SLC9A9: variants seen among roughly 807,000 people sequenced by gnomAD.
SLC9A9 encodes the protein solute carrier family 9 member A9.
Under a neutral mutation model 77.8 loss-of-function variants are expected in SLC9A9, and 62 were observed. That is an observed-to-expected ratio of 0.80 (90% CI 0.65 to 0.98). The LOEUF (loss-of-function observed/expected upper bound fraction) is 0.98, where lower values mean the gene tolerates loss of function less well. Ranked by LOEUF, SLC9A9 falls within the 50% of genes least tolerant of loss-of-function variation. The pLI, the probability that SLC9A9 is intolerant of heterozygous loss-of-function variation, is 0.00. For synonymous variants in SLC9A9, 320 were observed against 283.5 expected, an observed-to-expected ratio of 1.13 and a Z score of -1.29; for missense variants, 775 against 774.9, an observed-to-expected ratio of 1.00 and a Z score of 0.00.
At chr3:143,413,862 A>C (rs1022664872) in intron 12 of SLC9A9, among the ~76,000 whole-genome samples, 1 of 152,120 alleles carries the variant, frequency 6.6e-6, no homozygotes, top group Non-Finnish European at 1.5e-5. Flanking sequence ...GTATGTTAGC[A>C]TGCTCTAAGC....
chr3:143,396,684 G>C (rs543136145), intron 12 of SLC9A9, among the ~76,000 whole-genome samples: 1 of 152,092 alleles, frequency 6.6e-6, no homozygotes, highest in East Asian at 1.9e-4. Flanking sequence ...TGTGGTAGTG[G>C]TATTAATAGA....
At chr3:143,396,589 T>A (rs1278075118) in intron 12 of SLC9A9, among the ~76,000 whole-genome samples, 1 of 152,128 alleles carries the variant, frequency 6.6e-6, no homozygotes, top group Non-Finnish European at 1.5e-5. Context: ...CCTTAAAGTA[T>A]AATAATAAAA....
chr3:143,810,560 G>A (rs1396598591), intron 2 of SLC9A9, among the ~76,000 whole-genome samples: 1 of 152,190 alleles, frequency 6.6e-6, no homozygotes, highest in Non-Finnish European at 1.5e-5. Flanking sequence ...CAATCAATAA[G>A]ACAGGACTAT....
chr3:143,752,578 A>G (rs895281604), intron 4 of SLC9A9, among the ~76,000 whole-genome samples: 2 of 152,104 alleles, frequency 1.3e-5, no homozygotes, highest in African/African-American at 4.8e-5. Context: ...GAGTGTAGTT[A>G]TAATACTTGG....
intron 8 of SLC9A9, among the ~76,000 whole-genome samples, chr3:143,554,891 G>A (rs111676253): frequency 5.8e-4 from 88 of 152,228 alleles, no homozygotes; most frequent in African/African-American, 1.9e-3. Flanking sequence ...TGAGCAGACA[G>A]GTCTTCTCCA....
chr3:143,288,473 T>G (rs1186406755), intron 14 of SLC9A9, among the ~76,000 whole-genome samples: 1 of 152,164 alleles, frequency 6.6e-6, no homozygotes, highest in African/African-American at 2.4e-5. Flanking sequence ...TTTTCTTGCT[T>G]TGTATACAAA....
intron 9 of SLC9A9, among the ~76,000 whole-genome samples, chr3:143,514,757 C>T (rs888919460): frequency 2.6e-5 from 4 of 152,234 alleles, no homozygotes; most frequent in African/African-American, 9.6e-5. Flanking sequence ...TCTTGCTCTG[C>T]ATTAGGCTTT....
rs565435093 is a variant in SLC9A9, at chr3:143,328,360, C to T, written c.1604+35124G>A. The stretch of plus-strand genomic sequence containing the variant: ...TTTTAAAAATATGAAAGTTTATAAT[C>T]CCTTGGTTTTCAGATATTTGATGAT... On this transcript the variant is annotated intron_variant, in intron 14 of 15. Transcript: ENST00000316549. 2.6e-5 allele frequency among the ~76,000 whole-genome samples: 4 copies of T among 152,284 alleles called. 1 individual carries two copies. The highest frequency in any genetic ancestry group is 9.6e-5 in the African/African-American group (4 of 41,550).
intron 12 of SLC9A9, among the ~76,000 whole-genome samples, chr3:143,406,607 T>C (rs2033987065): frequency 6.6e-6 from 1 of 152,130 alleles, no homozygotes; most frequent in South Asian, 2.1e-4. Flanking sequence ...GTTTTTCCTG[T>C]ATCTTAAAAA....
At chr3:143,782,555 A>G (rs370579029) in intron 4 of SLC9A9, among the ~76,000 whole-genome samples, 18 of 152,298 alleles carry the variant, frequency 1.2e-4, no homozygotes, top group African/African-American at 3.9e-4. Context: ...AGGGCACAAT[A>G]AGAATTATCT....
intron 5 of SLC9A9, among the ~76,000 whole-genome samples, chr3:143,690,878 C>T (rs1017358981): frequency 3.9e-5 from 6 of 152,012 alleles, no homozygotes; most frequent in Admixed American, 1.3e-4. Flanking sequence ...AGGAGAGTAC[C>T]ACCAGCTAAT....
chr3:143,696,189 C>G (rs189874629), intron 4 of SLC9A9, among the ~76,000 whole-genome samples: 31 of 152,234 alleles, frequency 2.0e-4, no homozygotes, highest in African/African-American at 7.0e-4. Context: ...GTTGCCATTA[C>G]TTTTGGTGTT....
Position 143,578,707 on chromosome 3 carries a change from T to A in SLC9A9, c.772A>T (p.Ser258Cys). 1 of 1,614,042 alleles carries A rather than the reference T, an allele frequency of 6.2e-7. No individual in the cohort carries two copies. The highest frequency in any genetic ancestry group is 8.5e-7 in the Non-Finnish European group (1 of 1,179,916). ...AATGCATTTGGATTCTCCTTGGGAC[T>A]GTAAATGGATATAGAACTGAAAAGA... ...IVLTYSISIYSPKENPNAFDA... is the reference protein window; with the variant it reads ...IVLTYSISIYCPKENPNAFDA... Residue 258 changes from serine to cysteine, a missense_variant, in exon 7 of 16, where the codon AGT (serine) becomes TGT (cysteine). Transcript: ENST00000316549.
At chr3:143,802,763 C>T (rs762966646) in intron 2 of SLC9A9, among the ~76,000 whole-genome samples, 14 of 152,184 alleles carry the variant, frequency 9.2e-5, no homozygotes, top group Non-Finnish European at 1.6e-4. Flanking sequence ...CACACCTCAC[C>T]AAGCTCAGCC....
chr3:143,689,793 A>T (rs868516194), intron 5 of SLC9A9, among the ~76,000 whole-genome samples: 1 of 152,126 alleles, frequency 6.6e-6, no homozygotes, highest in African/African-American at 2.4e-5. Flanking sequence ...CCATGTGCGT[A>T]GTAGCATATA....
chr3:143,534,964 A>AT (rs965847979), intron 9 of SLC9A9, among the ~76,000 whole-genome samples: 154 of 152,116 alleles, frequency 1.0e-3, no homozygotes, highest in African/African-American at 3.4e-3. Flanking sequence ...AAAATCAAGC[A>AT]TTTTTTTCTC....
chr3:143,282,587 G>C (rs1359479172), intron 14 of SLC9A9, among the ~76,000 whole-genome samples: 1 of 152,180 alleles, frequency 6.6e-6, no homozygotes, highest in African/African-American at 2.4e-5. Context: ...TGGAATTCTA[G>C]AGAAGCCTCT....
intron 12 of SLC9A9, among the ~76,000 whole-genome samples, chr3:143,399,507 C>A (rs115382742): frequency 6.6e-6 from 1 of 151,960 alleles, no homozygotes; most frequent in Non-Finnish European, 1.5e-5. Flanking sequence ...AAATTGGCAA[C>A]AATACTATTG....
chr3:143,476,541 G>A (rs1383807144), intron 11 of SLC9A9, among the ~76,000 whole-genome samples: 4 of 152,216 alleles, frequency 2.6e-5, no homozygotes, highest in Non-Finnish European at 5.9e-5. Flanking sequence ...GGGTAAGATG[G>A]ATGTAATAGT....
Sources: allele counts gnomAD v4.1 joint callset (sites outside exome capture counted in the v4.1 genomes callset), GRCh38; gene constraint gnomAD v4.1.1; transcripts MANE v1.5; gene names NCBI Gene and HGNC (gene_info 2026-07-23, HGNC 2026-07-21).